The following EXT1 variants were observed in gnomAD, a reference collection of about 807,000 sequenced individuals.
The protein encoded by EXT1 is exostosin glycosyltransferase 1.
Under a neutral mutation model 82.5 loss-of-function variants are expected in EXT1, and 20 were observed. The ratio of observed to expected loss-of-function variants is 0.24; its 90% CI spans 0.17 to 0.35. The LOEUF (loss-of-function observed/expected upper bound fraction) is 0.35. Among genes scored for constraint, EXT1 ranks in the 10% least tolerant of loss-of-function variants. The pLI, the probability that EXT1 is intolerant of heterozygous loss-of-function variation, is 1.00. For missense variants in EXT1, 757 were observed against 936.5 expected (o/e 0.81, Z 2.50); for synonymous variants, 348 against 350.8 (o/e 0.99, Z 0.09).
chr8:117,979,025 G>A (rs1007872316), intron 1 of EXT1, among the ~76,000 whole-genome samples: 6 of 152,060 alleles, frequency 3.9e-5, no homozygotes, highest in African/African-American at 1.4e-4. Context: ...TCCAGGCCAT[G>A]GCCCCAAGAA....
intron 1 of EXT1, among the ~76,000 whole-genome samples, chr8:117,854,142 T>C (rs1812501677): frequency 6.6e-6 from 1 of 152,216 alleles, no homozygotes; most frequent in Non-Finnish European, 1.5e-5. Flanking sequence ...TTGACTCTAA[T>C]AGTTGTTAAG....
At chr8:117,943,478 T>A (rs1460019296) in intron 1 of EXT1, among the ~76,000 whole-genome samples, 1 of 151,622 alleles carries the variant, frequency 6.6e-6, no homozygotes, top group Non-Finnish European at 1.5e-5. Context: ...ACAAAAAAAA[T>A]GTGTTTATAC....
At chr8:118,089,465 AAAGAGTATATCT>A (rs1446261329) in intron 1 of EXT1, among the ~76,000 whole-genome samples, 1 of 152,222 alleles carries the variant, frequency 6.6e-6, no homozygotes, top group Non-Finnish European at 1.5e-5. Flanking sequence ...AGAAATTACA[AAAGAGTATATCT>A]ATGCCATGAT....
intron 1 of EXT1, among the ~76,000 whole-genome samples, chr8:118,079,072 A>G (rs1817262876): frequency 6.6e-6 from 1 of 152,224 alleles, no homozygotes; most frequent in African/African-American, 2.4e-5. Flanking sequence ...TCCCTCATAG[A>G]CAAGATTTTT....
chr8:117,809,218 A>AACATATATATATATATATATATATATAT (rs71569748), intron 8 of EXT1, among the ~76,000 whole-genome samples: 29 of 107,934 alleles, frequency 2.7e-4, no homozygotes, highest in African/African-American at 8.4e-4. Flanking sequence ...TGTGTGTATA[A>AACATATATATATATATATATATATATAT]ATATATATAT....
chr8:118,083,010 G>A (rs369893907), intron 1 of EXT1, among the ~76,000 whole-genome samples: 21 of 152,208 alleles, frequency 1.4e-4, no homozygotes, highest in South Asian at 4.1e-4. Context: ...ACGCCCTGGA[G>A]TATGTACTTA....
At chr8:117,822,382 T>G in intron 5 of EXT1, 83 bp downstream of exon 5, 1 of 1,470,104 alleles carries the variant, frequency 6.8e-7, no homozygotes, top group Non-Finnish European at 9.4e-7. Context: ...TGGACCCCAT[T>G]AGAGTAGAAG....
At chr8:118,099,079 G>GTGAACACAAATGA (rs1817671125) in intron 1 of EXT1, among the ~76,000 whole-genome samples, 1 of 152,208 alleles carries the variant, frequency 6.6e-6, no homozygotes, top group Non-Finnish European at 1.5e-5. Context: ...ACAAAGGACA[G>GTGAACACAAATGA]TGAACACAAA....
chr8:117,893,219 C>A (rs922854354), intron 1 of EXT1, among the ~76,000 whole-genome samples: 9 of 152,180 alleles, frequency 5.9e-5, no homozygotes, highest in African/African-American at 2.2e-4. Flanking sequence ...CCACGATATG[C>A]CATCATCTTC....
At chr8:117,922,052 T>C (rs1417436987) in intron 1 of EXT1, among the ~76,000 whole-genome samples, 1 of 152,062 alleles carries the variant, frequency 6.6e-6, no homozygotes, top group Non-Finnish European at 1.5e-5. Context: ...ACTGCAGGAA[T>C]TCAACTGCCA....
At chr8:117,993,855 G>A (rs1048409513) in intron 1 of EXT1, among the ~76,000 whole-genome samples, 7 of 152,236 alleles carry the variant, frequency 4.6e-5, no homozygotes, top group African/African-American at 1.7e-4. Context: ...CAAAGTGACA[G>A]GTTTTATGGC....
At chr8:117,813,100 A>T in intron 7 of EXT1, 139 bp from the exon 8 acceptor site, 2 of 720,428 alleles carry the variant, frequency 2.8e-6, no homozygotes, top group Non-Finnish European at 2.5e-6. Flanking sequence ...ACACCGAAGG[A>T]ATCTCATTTC....
chr8:118,104,415 T>G (rs907600012), intron 1 of EXT1, among the ~76,000 whole-genome samples: 3 of 152,218 alleles, frequency 2.0e-5, no homozygotes, highest in African/African-American at 7.2e-5. Context: ...CTGGCACACC[T>G]GTTCTGATGA....
At chr8:117,968,365 C>T (rs1001662671) in intron 1 of EXT1, among the ~76,000 whole-genome samples, 21 of 152,028 alleles carry the variant, frequency 1.4e-4, no homozygotes, top group Non-Finnish European at 2.1e-4. Flanking sequence ...AGCAATCCTC[C>T]TTCCTTGGCC....
intron 1 of EXT1, among the ~76,000 whole-genome samples, chr8:117,863,390 A>ATATCAC (rs1812718542): frequency 6.8e-6 from 1 of 146,070 alleles, no homozygotes; most frequent in Non-Finnish European, 1.5e-5. Context: ...GTATATTTTG[A>ATATCAC]TATCACTATG....
At chr8:117,950,285 T>C (rs182848881) in intron 1 of EXT1, among the ~76,000 whole-genome samples, 11 of 152,258 alleles carry the variant, frequency 7.2e-5, no homozygotes, top group Admixed American at 5.9e-4. Flanking sequence ...CAAGGAAAGT[T>C]CTAGTAGTCT....
intron 1 of EXT1, among the ~76,000 whole-genome samples, chr8:117,847,443 T>C (rs1315690100): frequency 2.0e-5 from 3 of 152,236 alleles, no homozygotes; most frequent in Non-Finnish European, 4.4e-5. Flanking sequence ...ATTTTCTCCC[T>C]GCACGCTGAT....
chr8:117,857,274 G>T (rs112375056), intron 1 of EXT1, among the ~76,000 whole-genome samples: 33 of 152,192 alleles, frequency 2.2e-4, no homozygotes, highest in South Asian at 2.1e-3. Flanking sequence ...GTAATTTTGG[G>T]GCCAGGCACA....
intron 1 of EXT1, among the ~76,000 whole-genome samples, chr8:117,903,162 G>A (rs929544498): frequency 2.6e-5 from 4 of 152,162 alleles, no homozygotes; most frequent in African/African-American, 7.2e-5. Flanking sequence ...GGTCTTTCTG[G>A]TACTTCCTCA....
Sources: gnomAD v4.1 joint callset for allele counts (sites outside exome capture counted in the v4.1 genomes callset) on GRCh38, gnomAD v4.1.1 for gene constraint, MANE v1.5 for transcripts, NCBI Gene and HGNC (gene_info 2026-07-23, HGNC 2026-07-21) for gene names.